Variants in GLCE observed in about 807,000 individuals in gnomAD.
The protein encoded by GLCE is D-glucuronyl C5-epimerase.
In GLCE, 19 loss-of-function variants were observed where a neutral mutation model predicts 47.9. That is an observed-to-expected ratio of 0.40 (90% CI 0.28 to 0.58). The LOEUF is 0.58. GLCE is among the 20% of genes least tolerant of loss of function. The pLI is 0.48. For missense variants in GLCE, 556 were observed against 743.3 expected (o/e 0.75, Z 2.93); for synonymous variants, 245 against 263.4 (o/e 0.93, Z 0.68).
chr15:69,234,781 A>G (rs768992451), intron 2 of GLCE, among the ~76,000 whole-genome samples: 8 of 152,198 alleles, frequency 5.3e-5, no homozygotes, highest in Non-Finnish European at 8.8e-5. Flanking sequence ...ATTTGCTTAG[A>G]AAATTGTGCA....
chr15:69,190,368 G>A (rs2051895593), intron 1 of GLCE, among the ~76,000 whole-genome samples: 1 of 152,050 alleles, frequency 6.6e-6, no homozygotes. Context: ...TACTAGTTGT[G>A]TCATTATTGA....
intron 2 of GLCE, among the ~76,000 whole-genome samples, chr15:69,227,019 ACAG>A (rs1444241702): frequency 4.6e-5 from 7 of 152,108 alleles, no homozygotes; most frequent in Admixed American, 6.5e-5. Context: ...TGCTGGAATT[ACAG>A]GCGTGAGCCA....
chr15:69,209,627 A>T (rs2052201094), intron 1 of GLCE, among the ~76,000 whole-genome samples: 2 of 152,102 alleles, frequency 1.3e-5, no homozygotes, highest in Non-Finnish European at 2.9e-5. Flanking sequence ...CTCGAGGGTG[A>T]GTCCAGGAGT....
intron 2 of GLCE, among the ~76,000 whole-genome samples, chr15:69,216,387 G>T (rs2052307490): frequency 6.6e-6 from 1 of 152,068 alleles, no homozygotes; most frequent in Admixed American, 6.5e-5. Context: ...TTAATATTAG[G>T]TGAAAGAGAT....
chr15:69,193,150 A>G (rs148549207), intron 1 of GLCE, among the ~76,000 whole-genome samples: 12 of 151,728 alleles, frequency 7.9e-5, no homozygotes, highest in Admixed American at 2.6e-4. Flanking sequence ...CAATTCAGCA[A>G]TGTTCCTAGG....
rs374012378 is a variant in GLCE, at chr15:69,172,027, A to G, written c.-105+11270A>G. The stretch of plus-strand genomic sequence containing the variant: ...TGCAAAGATAGTCCAGAAGATTTCC[A>G]TGTGCCATATACCCTTCACTCAGCT... On this transcript the variant is annotated intron_variant, in intron 1 of 4. Coordinates refer to ENST00000261858, the MANE Select transcript of GLCE (RefSeq NM_015554.3). Among the ~76,000 whole-genome samples, 23 of 152,324 alleles carry G rather than the reference A, an allele frequency of 1.5e-4. 1 individual carries two copies. The South Asian group carries it at 4.8e-3, about 32-fold the overall frequency.
intron 2 of GLCE, among the ~76,000 whole-genome samples, chr15:69,229,889 C>A (rs942992066): frequency 6.6e-6 from 1 of 151,786 alleles, no homozygotes; most frequent in African/African-American, 2.4e-5. Flanking sequence ...CAAAAACTCA[C>A]ATTGAATATA....
rs192182418 is a variant in GLCE at position 69,210,063 on chromosome 15, C to T, written c.-104-253C>T. Among the ~76,000 whole-genome samples, 184 of 152,188 alleles carry T rather than the reference C, an allele frequency of 1.2e-3. 1 individual carries two copies. The highest frequency in any genetic ancestry group is 0.01 in the Middle Eastern group (3 of 294). Reference sequence around the variant, plus strand: ...GTAGAGGGCTTCTCCTGAAGCTTTCCATTTGGGCTGTATTATGTTCAGTCT... The same window carrying T: ...GTAGAGGGCTTCTCCTGAAGCTTTCTATTTGGGCTGTATTATGTTCAGTCT... On this transcript the variant is annotated intron_variant, in intron 1 of 4. Coordinates refer to ENST00000261858, the MANE Select transcript of GLCE (RefSeq NM_015554.3).
intron 2 of GLCE, among the ~76,000 whole-genome samples, chr15:69,236,110 G>C (rs987108145): frequency 6.6e-6 from 1 of 152,180 alleles, no homozygotes; most frequent in Admixed American, 6.5e-5. Flanking sequence ...CAGGTTATCA[G>C]TATCAGTGCA....
intron 1 of GLCE, among the ~76,000 whole-genome samples, chr15:69,210,028 C>T (rs989568602): frequency 4.6e-5 from 7 of 152,096 alleles, no homozygotes; most frequent in African/African-American, 1.7e-4. Context: ...TTCCCTCTCT[C>T]AAGCCAGAGG....
rs140822330 is a variant in GLCE, at chr15:69,176,056, A to G, written c.-105+15299A>G. Among the ~76,000 whole-genome samples, 309 of 152,208 alleles carry G rather than the reference A, an allele frequency of 2.0e-3. 4 individuals are homozygous for G. The highest frequency in any genetic ancestry group is 6.9e-3 in the African/African-American group (285 of 41,516). On this transcript the variant is annotated intron_variant, in intron 1 of 4. Transcript: ENST00000261858. ...CATTTTTAGAAGCTACATGTGCATT[A>G]TATACTAATGGTATATCTCTCAAAT...
chr15:69,218,502 AAAAC>A (rs2052337556), intron 2 of GLCE, among the ~76,000 whole-genome samples: 1 of 152,194 alleles, frequency 6.6e-6, no homozygotes, highest in Non-Finnish European at 1.5e-5. Flanking sequence ...CTCAAAAAAG[AAAAC>A]AAACAGAAAA....
chr15:69,223,051 A>G (rs2052398683), intron 2 of GLCE, among the ~76,000 whole-genome samples: 1 of 152,222 alleles, frequency 6.6e-6, no homozygotes, highest in South Asian at 2.1e-4. Context: ...TTATGTACCC[A>G]CAAACAAACT....
intron 2 of GLCE, among the ~76,000 whole-genome samples, chr15:69,243,461 C>T (rs557571749): frequency 7.3e-5 from 11 of 151,200 alleles, no homozygotes; most frequent in South Asian, 4.2e-4. Flanking sequence ...TTTATTGGCT[C>T]GGCTCAGTGG....
chr15:69,216,533 C>G (rs1195344365), intron 2 of GLCE, among the ~76,000 whole-genome samples: 1 of 152,046 alleles, frequency 6.6e-6, no homozygotes, highest in Non-Finnish European at 1.5e-5. Flanking sequence ...GTTTTCTACC[C>G]TATTTAAGCC....
intron 2 of GLCE, among the ~76,000 whole-genome samples, chr15:69,215,145 C>G (rs1332005830): frequency 6.6e-6 from 1 of 152,138 alleles, no homozygotes; most frequent in Admixed American, 6.6e-5. Context: ...TTGAAAAATG[C>G]ATAGAGTCAC....
At chr15:69,264,425 A>G (rs562800059) in intron 4 of GLCE, among the ~76,000 whole-genome samples, 8 of 151,888 alleles carry the variant, frequency 5.3e-5, no homozygotes, top group African/African-American at 1.7e-4. Flanking sequence ...TTTACACCAT[A>G]TTTTCTTTAT....
chr15:69,223,381 G>A (rs558150477), intron 2 of GLCE, among the ~76,000 whole-genome samples: 1 of 152,056 alleles, frequency 6.6e-6, no homozygotes, highest in African/African-American at 2.4e-5. Context: ...TTTCCTTCTA[G>A]CACATTGAAT....
intron 1 of GLCE, among the ~76,000 whole-genome samples, chr15:69,169,798 G>A (rs990357263): frequency 1.3e-5 from 2 of 151,978 alleles, no homozygotes; most frequent in Admixed American, 6.6e-5. Context: ...TATCATTGAT[G>A]GACATTTGGG....
Sources: gnomAD v4.1 joint callset for allele counts (sites outside exome capture counted in the v4.1 genomes callset) on GRCh38, gnomAD v4.1.1 for gene constraint, MANE v1.5 for transcripts, NCBI Gene and HGNC (gene_info 2026-07-23, HGNC 2026-07-21) for gene names.